Variants in VEPH1 observed in about 807,000 individuals in gnomAD.
The protein encoded by VEPH1 is ventricular zone-expressed PH domain-containing protein homolog 1.
Under a neutral mutation model 85.2 loss-of-function variants are expected in VEPH1, and 80 were observed. The observed-to-expected ratio is 0.94, with a 90% CI of 0.78 to 1.13. VEPH1 has a LOEUF of 1.13. Ranked by LOEUF, VEPH1 falls within the 50% of genes most tolerant of loss-of-function variation. VEPH1 has a pLI of 0.00. For synonymous variants in VEPH1, 297 were observed against 348.0 expected (o/e 0.85, Z 1.63); for missense variants, 955 against 980.5 (o/e 0.97, Z 0.35).
chr3:157,267,102 C>T (rs141844201), intron 12 of VEPH1, among the ~76,000 whole-genome samples: 29 of 124,654 alleles, frequency 2.3e-4, no homozygotes, highest in Non-Finnish European at 2.6e-4. Flanking sequence ...TCTTTTTTTT[C>T]TTTTTTTTTT....
At position 157,349,612 on chromosome 3, in the gene VEPH1, T is replaced by C. The variant is rs564550887; in HGVS notation, c.1735+13752A>G. ...CAAATAGTCCTCTGTGCAGATGACA[T>C]GATCATATATATAGAAAAACCTAAA... is the stretch of plus-strand genomic sequence containing the variant. On this transcript the variant is annotated intron_variant, in intron 9 of 13. Transcript: ENST00000362010. Among the ~76,000 whole-genome samples the C allele has an allele frequency of 2.6e-5, 4 of 152,290 alleles. No homozygotes were observed. The South Asian group carries it at 8.3e-4, about 32-fold the overall frequency.
chr3:157,464,090 T>C (rs1736141836), intron 3 of VEPH1, among the ~76,000 whole-genome samples: 2 of 152,234 alleles, frequency 1.3e-5, no homozygotes, highest in Admixed American at 1.3e-4. Flanking sequence ...GAAAAGCTAA[T>C]TGATTTGGTC....
At chr3:157,482,301 G>A (rs113474444) in intron 2 of VEPH1, among the ~76,000 whole-genome samples, 5 of 152,074 alleles carry the variant, frequency 3.3e-5, no homozygotes, top group Admixed American at 6.6e-5. Context: ...CCAACTCACC[G>A]TAACCTCTGC....
chr3:157,433,920 C>CT (rs947373903), intron 4 of VEPH1, among the ~76,000 whole-genome samples: 2 of 151,754 alleles, frequency 1.3e-5, no homozygotes, highest in African/African-American at 4.8e-5. Flanking sequence ...CTTTGGCAGG[C>CT]TTTTTTTTCG....
intron 9 of VEPH1, among the ~76,000 whole-genome samples, chr3:157,324,760 T>A (rs1435553237): frequency 6.6e-6 from 1 of 152,132 alleles, no homozygotes; most frequent in Non-Finnish European, 1.5e-5. Context: ...TTAGGTTGAT[T>A]CTGTCTTTGC....
At chr3:157,457,320 C>T (rs112636815) in intron 4 of VEPH1, among the ~76,000 whole-genome samples, 21,998 of 152,136 alleles carry the variant, frequency 0.14, 2,013 homozygotes, top group African/African-American at 0.24. Context: ...ATCATGTCAT[C>T]TACAAATAGG....
chr3:157,378,860 T>C (rs1319725755), intron 7 of VEPH1, among the ~76,000 whole-genome samples: 1 of 152,136 alleles, frequency 6.6e-6, no homozygotes, highest in Non-Finnish European at 1.5e-5. Flanking sequence ...ACCCCCCTCT[T>C]CTTCTTACTC....
chr3:157,277,209 A>G (rs12634905), intron 12 of VEPH1, among the ~76,000 whole-genome samples: 75,885 of 152,044 alleles, frequency 0.5, 19,825 homozygotes, highest in Admixed American at 0.62. Flanking sequence ...TCTAATTGTA[A>G]GATTAACTTT....
intron 6 of VEPH1, among the ~76,000 whole-genome samples, chr3:157,405,557 T>C (rs1319928219): frequency 2.6e-5 from 4 of 152,116 alleles, no homozygotes; most frequent in African/African-American, 9.7e-5. Flanking sequence ...TCCCCTCCAT[T>C]ATTCATCCTA....
At chr3:157,424,220 T>G (rs752071498) in intron 5 of VEPH1, among the ~76,000 whole-genome samples, 1 of 152,234 alleles carries the variant, frequency 6.6e-6, no homozygotes, top group Non-Finnish European at 1.5e-5. Flanking sequence ...TTCCTCATTT[T>G]CTCTTACTGC....
At chr3:157,307,842 C>A (rs1719680067) in intron 11 of VEPH1, among the ~76,000 whole-genome samples, 1 of 151,582 alleles carries the variant, frequency 6.6e-6, no homozygotes, top group Non-Finnish European at 1.5e-5. Flanking sequence ...AAGATCATAT[C>A]TTTTCATTAA....
intron 6 of VEPH1, among the ~76,000 whole-genome samples, chr3:157,394,328 T>C (rs1381618535): frequency 6.6e-6 from 1 of 152,208 alleles, no homozygotes; most frequent in Non-Finnish European, 1.5e-5. Context: ...AATATAGTTG[T>C]TTATAAAGTG....
At chr3:157,281,087 C>CGTGTGT (rs141433345) in intron 12 of VEPH1, among the ~76,000 whole-genome samples, 83 of 148,632 alleles carry the variant, frequency 5.6e-4, no homozygotes, top group Admixed American at 1.7e-3. Context: ...CATATGTGTG[C>CGTGTGT]GTGTGTGTGT....
chr3:157,306,683 G>A (rs1423447924), intron 11 of VEPH1, among the ~76,000 whole-genome samples: 1 of 151,840 alleles, frequency 6.6e-6, no homozygotes, highest in African/African-American at 2.4e-5. Context: ...AGAAAAATAG[G>A]GCACATGAAA....
chr3:157,354,413 T>A (rs894314062), intron 9 of VEPH1, among the ~76,000 whole-genome samples: 2 of 152,070 alleles, frequency 1.3e-5, no homozygotes, highest in African/African-American at 4.8e-5. Flanking sequence ...CAGCTTTCCT[T>A]TGAAATATAT....
rs531142815 is a variant in VEPH1 at position 157,311,621 on chromosome 3, C to A, written c.2010+2000G>T. 5.3e-5 allele frequency among the ~76,000 whole-genome samples: 8 copies of A among 151,510 alleles called. No individual in the cohort carries two copies. In the South Asian group the frequency reaches 1.0e-3, roughly 20 times the overall value. On this transcript the variant is annotated intron_variant, in intron 11 of 13. Transcript: ENST00000362010. ...ATATTTTGTTTACAGTTAATTTTCC[C>A]TTAGAGAAATGTTTATTAGCATGAA...
At position 157,495,481 on chromosome 3, in the gene VEPH1, G is replaced by T; in HGVS notation, c.-132C>A. 1 of 1,497,678 alleles carries T rather than the reference G, an allele frequency of 6.7e-7. No homozygotes were observed. Among genetic ancestry groups the T allele is most frequent in the Non-Finnish European group, 8.9e-7 (1 of 1,126,850 alleles). The allele number at this position is 1,497,678 out of a possible 1,614,324, so 92.8% of individuals were successfully genotyped here. On this transcript the variant is annotated 5_prime_UTR_variant, in exon 2 of 14. The change creates a new upstream start codon in the 5' untranslated region. Transcript: ENST00000362010. ...TTCCATGAAAGGTCATTTTTCTCCAGACTTTGAGGTCTTCATTGACACTCT... is the reference window on the plus strand; with the variant it reads ...TTCCATGAAAGGTCATTTTTCTCCATACTTTGAGGTCTTCATTGACACTCT...
At position 157,314,330 on chromosome 3, in the gene VEPH1, C is replaced by CAAAAAAAAAAAA. The variant is rs34703314; in HGVS notation, c.1876-587_1876-576dup. Among the ~76,000 whole-genome samples the CAAAAAAAAAAAA allele has an allele frequency of 1.9e-3, 84 of 43,178 alleles. 6 individuals are homozygous for CAAAAAAAAAAAA. The highest frequency in any genetic ancestry group is 2.5e-3 in the Non-Finnish European group (39 of 15,832). 28.3% of individuals were successfully genotyped at this position (43,178 alleles called of 152,430 possible). On this transcript the variant is annotated intron_variant, in intron 10 of 13. Coordinates refer to ENST00000362010, the MANE Select transcript of VEPH1 (RefSeq NM_001167912.2). ...CCTGGGTGACAGAGGGAGGATCCGT[C>CAAAAAAAAAAAA]AAAAAAAAAAAAAAAAAAAAAAAAA...
chr3:157,482,467 C>A (rs1266581156), intron 2 of VEPH1, among the ~76,000 whole-genome samples: 1 of 152,196 alleles, frequency 6.6e-6, no homozygotes, highest in Admixed American at 6.5e-5. Context: ...AAGTGATCCA[C>A]CTGCCTTGGC....
Sources: allele counts gnomAD v4.1 joint callset (sites outside exome capture counted in the v4.1 genomes callset), GRCh38; gene constraint gnomAD v4.1.1; transcripts MANE v1.5; gene names NCBI Gene and HGNC (gene_info 2026-07-23, HGNC 2026-07-21).